COL6A3: variants seen among roughly 807,000 people sequenced by gnomAD.
COL6A3 encodes the protein collagen alpha-3(VI) chain.
COL6A3 carries 137 observed loss-of-function variants against 274.1 expected under a neutral mutation model. The ratio of observed to expected loss-of-function variants is 0.50; its 90% CI spans 0.44 to 0.58. The LOEUF (loss-of-function observed/expected upper bound fraction) is 0.58. Ranked by LOEUF, COL6A3 falls within the 20% of genes least tolerant of loss-of-function variation. The pLI, the probability that COL6A3 is intolerant of heterozygous loss-of-function variation, is 0.00. For synonymous variants in COL6A3, 1,650 were observed against 1,650.6 expected, an observed-to-expected ratio of 1.00 and a Z score of 0.01; for missense variants, 3,950 against 4,124.9, an observed-to-expected ratio of 0.96 and a Z score of 1.16.
chr2:237,408,733 T>G (rs1346386389), intron 1 of COL6A3, among the ~76,000 whole-genome samples: 1 of 152,208 alleles, frequency 6.6e-6, no homozygotes, highest in Non-Finnish European at 1.5e-5. Context: ...CTTGCAATTC[T>G]CAAATGTTTC....
In COL6A3 at chr2:237,340,522, C is replaced by T; in HGVS notation, c.8394G>A (p.Val2798=). ...CCTCGTTGAGCTCGGTGGACTTGTCCACTAATTTGAAGAAGACGTCGTTTG... is the reference window on the plus strand; with the variant it reads ...CCTCGTTGAGCTCGGTGGACTTGTCTACTAATTTGAAGAAGACGTCGTTTG... ...SEPNDVFFKL[V]DKSTELNEEP... The change falls in exon 38 of 44, where the codon GTG becomes GTA. Residue 2798 remains valine (V), a synonymous_variant. Transcript: ENST00000295550. 6.2e-7 allele frequency: 1 copy of T among 1,614,154 alleles called. No individual in the cohort carries two copies. Among genetic ancestry groups the T allele is most frequent in the Non-Finnish European group, 8.5e-7 (1 of 1,180,026 alleles).
At chr2:237,346,259 G>C (rs1378628194) in intron 32 of COL6A3, among the ~76,000 whole-genome samples, 2 of 152,086 alleles carry the variant, frequency 1.3e-5, no homozygotes, top group Non-Finnish European at 2.9e-5. Flanking sequence ...AACTATAAAG[G>C]CAAATTACAA....
chr2:237,405,326 T>C (rs1414059381), intron 1 of COL6A3, among the ~76,000 whole-genome samples: 1 of 152,156 alleles, frequency 6.6e-6, no homozygotes, highest in East Asian at 1.9e-4. Context: ...TCTCTTCTAT[T>C]GTTTGTCATG....
At chr2:237,411,494 CTTG>C (rs1165931382) in intron 1 of COL6A3, among the ~76,000 whole-genome samples, 2 of 152,166 alleles carry the variant, frequency 1.3e-5, no homozygotes, top group Non-Finnish European at 2.9e-5. Context: ...AGAAGGCGGT[CTTG>C]TTTCAAGCTG....
In COL6A3 at chr2:237,354,887, C is replaced by T; in HGVS notation, c.6627+12G>A. On this transcript the variant is annotated intron_variant, in intron 24 of 43. Transcript: ENST00000295550. The stretch of plus-strand genomic sequence containing the variant: ...TGAAGAGAGTCTCCAGGGGGCACTG[C>T]ATGAGGCTCACCTTAGCTCCGGGGG... The T allele has an allele frequency of 1.2e-6, 2 of 1,613,210 alleles. No individual in the cohort carries two copies. The highest frequency in any genetic ancestry group is 8.5e-7 in the Non-Finnish European group (1 of 1,179,546).
rs1436496906 is a variant in COL6A3 at position 237,397,266 on chromosome 2, T to C, written c.-30-419A>G. Among the ~76,000 whole-genome samples the C allele has an allele frequency of 6.8e-5, 5 of 73,222 alleles. No individual in the cohort carries two copies. The Admixed American group carries it at 7.6e-4, about 11-fold the overall frequency. The allele number at this position is 73,222 out of a possible 152,430, so 48.0% of individuals were successfully genotyped here. On this transcript the variant is annotated intron_variant, in intron 1 of 43. Coordinates refer to ENST00000295550, the MANE Select transcript of COL6A3 (RefSeq NM_004369.4). Reference sequence around the variant, plus strand: ...GAAGGGAAGGGAAGGAAGGAAGAAGTGAAAGAAGGGAAGGAAGGAAGAAGT... The same window carrying C: ...GAAGGGAAGGGAAGGAAGGAAGAAGCGAAAGAAGGGAAGGAAGGAAGAAGT...
intron 14 of COL6A3, among the ~76,000 whole-genome samples, chr2:237,362,879 A>G (rs2077468470): frequency 6.6e-6 from 1 of 152,184 alleles, no homozygotes; most frequent in Admixed American, 6.5e-5. Context: ...TGTTGTTTTT[A>G]TCATGCAAGA....
At chr2:237,398,792 C>G (rs2078516665) in intron 1 of COL6A3, among the ~76,000 whole-genome samples, 1 of 152,184 alleles carries the variant, frequency 6.6e-6, no homozygotes, top group Non-Finnish European at 1.5e-5. Context: ...GCTCTCTGGT[C>G]AGGGGTTCCC....
rs2078382454 is a variant in COL6A3 at position 237,394,674 on chromosome 2, C to T, written c.622G>A (p.Asp208Asn). Reference protein sequence around the residue: ...FNLENFTSLHDIVGNLVSCVH... With the variant: ...FNLENFTSLHNIVGNLVSCVH... The stretch of plus-strand genomic sequence containing the variant: ...CAGGACACTAAGTTTCCTACTATGT[C>T]ATGAAGTGAGGTAAAATTCTCTAGG... Residue 208 changes from aspartate (D) to asparagine (N), a missense_variant, in exon 3 of 44, where the codon GAC becomes AAC. By Grantham distance (23) the Asp-to-Asn change is conservative. This residue lies in a region of COL6A3 where 1,934 missense variants were observed against 1,984.3 expected (regional missense o/e 0.97). Coordinates refer to ENST00000295550, the MANE Select transcript of COL6A3 (RefSeq NM_004369.4). 1 of 1,614,114 alleles carries T rather than the reference C, an allele frequency of 6.2e-7. No homozygotes were observed. The highest frequency in any genetic ancestry group is 1.7e-5 in the Admixed American group (1 of 60,014).
rs766217603 is a variant in COL6A3, at chr2:237,340,606, C to T, written c.8310G>A (p.Val2770=). 47 of 1,614,094 alleles carry T rather than the reference C, an allele frequency of 2.9e-5. No homozygotes were observed. Among genetic ancestry groups the T allele is most frequent in the Non-Finnish European group, 3.8e-5 (45 of 1,180,050 alleles). Residue 2770 remains valine, a synonymous_variant, in exon 38 of 44, where the codon GTG becomes GTA. Coordinates refer to ENST00000295550, the MANE Select transcript of COL6A3 (RefSeq NM_004369.4). ...LQAKCKGYFF[V]VLGIGRKVNI... ...TCACCTTCCTGCCAATGCCCAGGACCACGAAGAAGTAGCCCTTGCATTTGG... is the reference window on the plus strand; with the variant it reads ...TCACCTTCCTGCCAATGCCCAGGACTACGAAGAAGTAGCCCTTGCATTTGG...
Position 237,342,160 on chromosome 2 carries a change from A to T in COL6A3, c.7670T>A (p.Ile2557Asn), listed in dbSNP as rs146872525. The change falls in exon 37 of 44, where the codon ATC (isoleucine) becomes AAC (asparagine). Residue 2557 changes from isoleucine (I) to asparagine (N), a missense_variant and splice_region_variant. By Grantham distance (149) the Ile-to-Asn change is moderately radical. Coordinates refer to ENST00000295550, the MANE Select transcript of COL6A3 (RefSeq NM_004369.4). ...EDRQLINALQINNTAVGHALV... is the reference protein window; with the variant it reads ...EDRQLINALQNNNTAVGHALV... ...CGCATGCCCCACTGCTGTGTTATTGATCTGGTTTAAACAAAAGAACAATTT... is the reference window on the plus strand; with the variant it reads ...CGCATGCCCCACTGCTGTGTTATTGTTCTGGTTTAAACAAAAGAACAATTT... 41 of 1,613,862 alleles carry T rather than the reference A, an allele frequency of 2.5e-5. No homozygotes were observed. In the African/African-American group the frequency reaches 3.6e-4, roughly 14 times the overall value.
chr2:237,397,249 GGGAA>G (rs948105454), intron 1 of COL6A3, among the ~76,000 whole-genome samples: 3 of 144,068 alleles, frequency 2.1e-5, no homozygotes, highest in African/African-American at 5.2e-5. Flanking sequence ...AGGAAGGGAA[GGGAA>G]GGAAGGAAGA....
intron 1 of COL6A3, among the ~76,000 whole-genome samples, chr2:237,405,496 C>T (rs557262631): frequency 5.9e-5 from 9 of 152,196 alleles, no homozygotes; most frequent in Admixed American, 3.9e-4. Flanking sequence ...GCTCATTCCC[C>T]GACACCACCC....
chr2:237,379,568 C>T (rs896511437), intron 5 of COL6A3, among the ~76,000 whole-genome samples: 3 of 152,156 alleles, frequency 2.0e-5, no homozygotes, highest in Non-Finnish European at 4.4e-5. Flanking sequence ...TATGAAGGTG[C>T]TGCATCAGTC....
intron 3 of COL6A3, 89 bp from the exon 4 acceptor site, chr2:237,388,273 A>C (rs2078204746): frequency 6.5e-7 from 1 of 1,543,446 alleles, no homozygotes; most frequent in African/African-American, 1.4e-5. Flanking sequence ...TTCTTTGGAA[A>C]CCAATAAGAA....
At position 237,387,972 on chromosome 2, in the gene COL6A3, C is replaced by T. The variant is rs779867515; in HGVS notation, c.922G>A (p.Ala308Thr). 25 of 1,614,132 alleles carry T rather than the reference C, an allele frequency of 1.5e-5. No individual in the cohort carries two copies. The highest frequency in any genetic ancestry group is 9.9e-5 in the South Asian group (9 of 91,086). The change falls in exon 4 of 44, where the codon GCA becomes ACA. Residue 308 changes from alanine to threonine, a missense_variant. Physicochemically the swap from Ala to Thr is moderately conservative, Grantham distance 58 (BLOSUM62 0). Coordinates refer to ENST00000295550, the MANE Select transcript of COL6A3 (RefSeq NM_004369.4). ...TYSTKAQVLG[A>T]VKALGFAGGE... ...CCAGCAAACCCGAGGGCTTTCACTG[C>T]ACCCAGAACCTGGGCCTTGGTGGAG...
chr2:237,342,308 G>A, intron 36 of COL6A3, 147 bp from the exon 37 acceptor site: 2 of 709,866 alleles, frequency 2.8e-6, no homozygotes, highest in South Asian at 1.6e-5. Context: ...TCATTTGGGG[G>A]TGGGGTTAGG....
At chr2:237,406,511 G>A (rs180929574) in intron 1 of COL6A3, among the ~76,000 whole-genome samples, 92 of 152,256 alleles carry the variant, frequency 6.0e-4, no homozygotes, top group African/African-American at 1.7e-3. Context: ...TGGGAGAGCC[G>A]TGCACACTGA....
chr2:237,365,644 A>G (rs2077532601), intron 12 of COL6A3, 54 bp downstream of exon 12: 2 of 1,508,122 alleles, frequency 1.3e-6, no homozygotes, highest in South Asian at 1.1e-5. Flanking sequence ...CCTCCTTTCC[A>G]GTAAAAATTT....
Sources: gnomAD v4.1 joint callset for allele counts (sites outside exome capture counted in the v4.1 genomes callset) on GRCh38, gnomAD v4.1.1 for gene constraint, gnomAD v4.1.1 regional missense constraint, MANE v1.5 for transcripts, NCBI Gene and HGNC (gene_info 2026-07-23, HGNC 2026-07-21) for gene names.